Variants in RELT observed in about 807,000 individuals in gnomAD.
RELT encodes RELT TNF receptor, also known as tumor necrosis factor receptor superfamily member 19L.
In RELT, 37 loss-of-function variants were observed where a neutral mutation model predicts 51.1. The ratio of observed to expected loss-of-function variants is 0.72; its 90% CI spans 0.56 to 0.95. The LOEUF is 0.95. Ranked by LOEUF, RELT falls within the 40% of genes least tolerant of loss-of-function variation. RELT has a pLI of 0.00. For synonymous variants in RELT, 241 were observed against 235.7 expected (o/e 1.02, Z -0.21); for missense variants, 535 against 572.6 (o/e 0.93, Z 0.67).
chr11:73,379,200 C>T (rs80215789), intron 1 of RELT, among the ~76,000 whole-genome samples: 2,057 of 152,282 alleles, frequency 0.014, 44 homozygotes, highest in African/African-American at 0.046. Flanking sequence ...GGGGCTGAGC[C>T]GGAGTTATTT....
rs144147273 is a variant in RELT, at chr11:73,386,614, C to T, written c.-25-2498C>T. On this transcript the variant is annotated intron_variant, in intron 1 of 10. Transcript: ENST00000064780. ...TGAGAAGGTGCGTAATTAGAAGGTG[C>T]AAGGCCCTAGGTGGCAGTGTCTATG... Among the ~76,000 whole-genome samples, 532 of 152,320 alleles carry T rather than the reference C, an allele frequency of 3.5e-3. 2 individuals are homozygous for T. The highest frequency in any genetic ancestry group is 5.7e-3 in the Non-Finnish European group (390 of 68,032).
intron 3 of RELT, 49 bp from the exon 4 acceptor site, chr11:73,390,706 G>A (rs1280890688): frequency 6.2e-7 from 1 of 1,609,046 alleles, no homozygotes; most frequent in Non-Finnish European, 8.5e-7. Context: ...GCCCCCAAGG[G>A]TCCTCAGGCT....
At position 73,390,626 on chromosome 11, in the gene RELT, G is replaced by C. The variant is rs569625319; in HGVS notation, c.120+1G>C. The C allele has an allele frequency of 6.2e-7, 1 of 1,613,818 alleles. No individual in the cohort carries two copies. The highest frequency in any genetic ancestry group is 1.7e-4 in the Middle Eastern group (1 of 6,060). ...CCCACCTGGGGAGGAGCCCGACCTG[G>C]TGAGCATTGCCCTGCTCTCCTGCCT... On this transcript the variant is annotated splice_donor_variant, in intron 3 of 10. Transcript: ENST00000064780. LOFTEE classifies it high-confidence loss of function.
rs1433511523 is a variant in RELT, at chr11:73,392,458, T to C, written c.615T>C (p.Gly205=). The change falls in exon 6 of 11, where the codon GGT becomes GGC. Residue 205 remains glycine, a synonymous_variant. Transcript: ENST00000064780. ...AHKEVGPGPG[G]GGSGINPAYR... Reference sequence around the variant, plus strand: ...AGGAGGTCGGGCCCGGCCCTGGAGGTGGAGGCAGTGGTGAGGCCCAGCTGG... The same window carrying C: ...AGGAGGTCGGGCCCGGCCCTGGAGGCGGAGGCAGTGGTGAGGCCCAGCTGG... The C allele has an allele frequency of 6.2e-7, 1 of 1,611,036 alleles. No individual in the cohort carries two copies. The highest frequency in any genetic ancestry group is 1.1e-5 in the South Asian group (1 of 90,972).
At position 73,397,372 on chromosome 11, in the gene RELT, T is replaced by C. The variant is rs1265092215; in HGVS notation, c.*1881T>C. ...CAAGACAGAGCGTCTCCATCTAAAATTCCTAGGGCAAGCTTCCAACCCGGC... is the reference window on the plus strand; with the variant it reads ...CAAGACAGAGCGTCTCCATCTAAAACTCCTAGGGCAAGCTTCCAACCCGGC... On this transcript the variant is annotated 3_prime_UTR_variant, in exon 11 of 11. Coordinates refer to ENST00000064780, the MANE Select transcript of RELT (RefSeq NM_152222.2). 1 of 152,242 alleles carries C rather than the reference T, an allele frequency of 6.6e-6. No homozygotes were observed. The highest frequency in any genetic ancestry group is 1.5e-5 in the Non-Finnish European group (1 of 68,050). 9.4% of individuals were successfully genotyped at this position (152,242 alleles called of 1,614,324 possible). A position where few individuals can be genotyped will look rare whatever the true frequency, so the allele number is the denominator to read the frequency against.
intron 6 of RELT, chr11:73,392,820 C>T (rs1866240989): frequency 8.4e-7 from 1 of 1,188,216 alleles, no homozygotes; most frequent in African/African-American, 1.6e-5. Flanking sequence ...TGACCTCTGG[C>T]CTGGAGTAGC....
intron 1 of RELT, among the ~76,000 whole-genome samples, chr11:73,385,610 G>T (rs1226286017): frequency 6.6e-6 from 1 of 152,170 alleles, no homozygotes; most frequent in Non-Finnish European, 1.5e-5. Flanking sequence ...GTCTGGTGGG[G>T]GAGCAAGGAA....
At chr11:73,393,523 A>T in intron 6 of RELT, 1 of 1,281,546 alleles carries the variant, frequency 7.8e-7, no homozygotes, top group Non-Finnish European at 1.0e-6. Flanking sequence ...AGGAGGAGAC[A>T]GTGCAGACCC....
chr11:73,376,724 G>A (rs1865972641), intron 1 of RELT: 1 of 151,998 alleles, frequency 6.6e-6, no homozygotes, highest in South Asian at 2.1e-4. Flanking sequence ...CGAGCCCCGT[G>A]ACCTGCAGGT....
chr11:73,378,046 G>A (rs1394067672), intron 1 of RELT, among the ~76,000 whole-genome samples: 1 of 152,204 alleles, frequency 6.6e-6, no homozygotes, highest in African/African-American at 2.4e-5. Context: ...CTCTGCCTGG[G>A]TGTCCTTTCT....
chr11:73,378,580 C>G (rs1023215379), intron 1 of RELT, among the ~76,000 whole-genome samples: 2 of 152,230 alleles, frequency 1.3e-5, no homozygotes, highest in African/African-American at 4.8e-5. Context: ...CACCCACCTT[C>G]CTAATAACTG....
rs1346892809 is a variant in RELT at position 73,394,457 on chromosome 11, TC to T, written c.789-19del. On this transcript the variant is annotated intron_variant, in intron 8 of 10. Transcript: ENST00000064780. The surrounding 1 kb of genome is among the most constrained non-coding windows in gnomAD (Gnocchi z 4.9). ...GCCCCTGGCCTGGCCTATGGCCACT[TC>T]TGCCTGTGCCCCCTGCAGGCTGCCG... is the stretch of plus-strand genomic sequence containing the variant. 1 of 1,609,512 alleles carries T rather than the reference TC, an allele frequency of 6.2e-7. No homozygotes were observed. The highest frequency in any genetic ancestry group is 1.1e-5 in the South Asian group (1 of 90,966).
At chr11:73,393,540 C>CGCTG (rs1263367526) in intron 6 of RELT, 9 of 1,323,390 alleles carry the variant, frequency 6.8e-6, no homozygotes, top group Non-Finnish European at 7.9e-6. Flanking sequence ...ACCCAGAAGA[C>CGCTG]GCTGACGCAC....
chr11:73,377,269 A>AGAGTGTGTGTGTGTGT (rs1040747542), intron 1 of RELT, among the ~76,000 whole-genome samples: 23 of 146,084 alleles, frequency 1.6e-4, no homozygotes, highest in African/African-American at 5.8e-4. Flanking sequence ...AAGTGGTGTC[A>AGAGTGTGTGTGTGTGT]GTGTGTGTGT....
chr11:73,393,501 T>C (rs1032587510), intron 6 of RELT: 29 of 1,246,458 alleles, frequency 2.3e-5, no homozygotes, highest in Non-Finnish European at 3.0e-5. Context: ...AGCCCACAGC[T>C]CCTTGAGGCT....
At chr11:73,377,350 C>T (rs1426100912) in intron 1 of RELT, among the ~76,000 whole-genome samples, 1 of 150,990 alleles carries the variant, frequency 6.6e-6, no homozygotes, top group Non-Finnish European at 1.5e-5. Flanking sequence ...GGACCTAGGA[C>T]ACCTTCCGGC....
chr11:73,381,820 G>A (rs1399168809), intron 1 of RELT, among the ~76,000 whole-genome samples: 1 of 152,182 alleles, frequency 6.6e-6, no homozygotes, highest in Admixed American at 6.5e-5. Context: ...GGCACCCAGG[G>A]CCCTCCCAGA....
chr11:73,382,545 G>T (rs945956016), intron 1 of RELT, among the ~76,000 whole-genome samples: 1 of 152,222 alleles, frequency 6.6e-6, no homozygotes, highest in South Asian at 2.1e-4. Flanking sequence ...GGTGCTGAGA[G>T]GTTGACGGTG....
At position 73,395,706 on chromosome 11, in the gene RELT, C is replaced by T. The variant is rs1320672268; in HGVS notation, c.*215C>T. 2 of 585,692 alleles carry T rather than the reference C, an allele frequency of 3.4e-6. No individual in the cohort carries two copies. Among genetic ancestry groups the T allele is most frequent in the Non-Finnish European group, 6.1e-6 (2 of 327,578 alleles). 36.3% of individuals were successfully genotyped at this position (585,692 alleles called of 1,614,324 possible). On this transcript the variant is annotated 3_prime_UTR_variant, in exon 11 of 11. Coordinates refer to ENST00000064780, the MANE Select transcript of RELT (RefSeq NM_152222.2). ...TGTACAGGAGCAGGCTGAGCCCCGCCCCTGGCCCTGCTGCCATGTTGCTCC... is the reference window on the plus strand; with the variant it reads ...TGTACAGGAGCAGGCTGAGCCCCGCTCCTGGCCCTGCTGCCATGTTGCTCC...
Sources: gnomAD v4.1 joint callset for allele counts (sites outside exome capture counted in the v4.1 genomes callset) on GRCh38, gnomAD v4.1.1 for gene constraint, Gnocchi (gnomAD v3.1) non-coding constraint, MANE v1.5 for transcripts, NCBI Gene and HGNC (gene_info 2026-07-23, HGNC 2026-07-21) for gene names.